Variants in DPP8 observed in about 807,000 individuals in gnomAD.
DPP8 encodes dipeptidyl peptidase 8.
DPP8 carries 31 observed loss-of-function variants against 107.5 expected under a neutral mutation model. The observed-to-expected ratio is 0.29, with a 90% CI of 0.22 to 0.39. The LOEUF (loss-of-function observed/expected upper bound fraction) is 0.39, where lower values mean the gene tolerates loss of function less well. Among genes scored for constraint, DPP8 ranks in the 10% least tolerant of loss-of-function variants. DPP8 has a pLI of 1.00. For synonymous variants in DPP8, 381 were observed against 356.6 expected, an observed-to-expected ratio of 1.07 and a Z score of -0.77; for missense variants, 842 against 1,076.1, an observed-to-expected ratio of 0.78 and a Z score of 3.04.
chr15:65,463,682 G>T, intron 15 of DPP8, 79 bp downstream of exon 15: 2 of 1,259,426 alleles, frequency 1.6e-6, no homozygotes, highest in South Asian at 1.3e-5. Flanking sequence ...ATCTTAAACT[G>T]ACTAGACATT....
At chr15:65,486,507 T>C (rs1692030062) in intron 7 of DPP8, among the ~76,000 whole-genome samples, 1 of 151,770 alleles carries the variant, frequency 6.6e-6, no homozygotes, top group African/African-American at 2.4e-5. Flanking sequence ...TGAGCCAAGA[T>C]CACACCACTG....
At chr15:65,464,783 T>C (rs997298290) in intron 14 of DPP8, among the ~76,000 whole-genome samples, 1 of 152,222 alleles carries the variant, frequency 6.6e-6, no homozygotes. Flanking sequence ...CAATAATCCT[T>C]GGAGCCTAGG....
chr15:65,476,717 G>A (rs780953391), intron 11 of DPP8, among the ~76,000 whole-genome samples: 11 of 152,114 alleles, frequency 7.2e-5, no homozygotes, highest in Non-Finnish European at 1.5e-4. Flanking sequence ...ATTGAAAGCA[G>A]GGACAGGAAC....
At chr15:65,450,935 A>G (rs2063928762) in intron 19 of DPP8, 64 bp downstream of exon 19, 1 of 1,034,784 alleles carries the variant, frequency 9.7e-7, no homozygotes, top group East Asian at 2.4e-5. Flanking sequence ...CACAGCTAAT[A>G]GATTTCAAAG....
At position 65,470,919 on chromosome 15, in the gene DPP8, C is replaced by CAA. The variant is rs773144225; in HGVS notation, c.1536+3288_1536+3289dup. On this transcript the variant is annotated intron_variant, in intron 12 of 19. Coordinates refer to ENST00000300141, the MANE Select transcript of DPP8 (RefSeq NM_130434.5). ...GGGTGACAGAGTGAGACTCTTATCT[C>CAA]AAAAAAAAAAAAAAAGAGGGAAAAT... Among the ~76,000 whole-genome samples the CAA allele has an allele frequency of 7.8e-3, 860 of 110,750 alleles. 4 individuals are homozygous for CAA. The highest frequency in any genetic ancestry group is 0.023 in the African/African-American group (671 of 29,248). The allele number at this position is 110,750 out of a possible 152,430, so 72.7% of individuals were successfully genotyped here. A position where few individuals can be genotyped will look rare whatever the true frequency, so the allele number is the denominator to read the frequency against.
chr15:65,490,680 T>C (rs1308876727), intron 5 of DPP8, among the ~76,000 whole-genome samples: 1 of 152,212 alleles, frequency 6.6e-6, no homozygotes, highest in East Asian at 1.9e-4. Flanking sequence ...AGGGGACATA[T>C]AACTCTCTTA....
chr15:65,455,148 T>TAAA (rs1316428744), intron 16 of DPP8, among the ~76,000 whole-genome samples: 1 of 152,248 alleles, frequency 6.6e-6, no homozygotes, highest in Non-Finnish European at 1.5e-5. Flanking sequence ...ATCTATTTTT[T>TAAA]TGGAGACATG....
intron 17 of DPP8, among the ~76,000 whole-genome samples, 171 bp downstream of exon 17, chr15:65,454,092 G>A (rs150285981): frequency 0.014 from 2,149 of 148,408 alleles, 64 homozygotes; most frequent in African/African-American, 0.051. Context: ...AGCTGAGATT[G>A]CGCCACTGCA....
chr15:65,510,217 G>C (rs1384079809), intron 2 of DPP8, among the ~76,000 whole-genome samples: 1 of 152,244 alleles, frequency 6.6e-6, no homozygotes. Flanking sequence ...TTGGGGGATT[G>C]AGGCGGGAGG....
chr15:65,486,838 T>A (rs1190479844), intron 7 of DPP8, among the ~76,000 whole-genome samples: 1 of 151,696 alleles, frequency 6.6e-6, no homozygotes, highest in Non-Finnish European at 1.5e-5. Context: ...AGAGGAAGGG[T>A]GGTGGGTGTG....
chr15:65,475,683 T>C (rs528124692), intron 11 of DPP8: 47 of 593,656 alleles, frequency 7.9e-5, no homozygotes, highest in Admixed American at 5.3e-4. Flanking sequence ...TTTAATACAA[T>C]TGTTCTTCAT....
At chr15:65,448,690 AATAT>A (rs1491078036) in intron 19 of DPP8, among the ~76,000 whole-genome samples, 1 of 112,112 alleles carries the variant, frequency 8.9e-6, no homozygotes, top group African/African-American at 3.6e-5. Flanking sequence ...AAAAAAAAAA[AATAT>A]ATATATATAT....
chr15:65,493,047 CTCTTTTCTT>C (rs769984187), intron 5 of DPP8, among the ~76,000 whole-genome samples: 12 of 151,928 alleles, frequency 7.9e-5, no homozygotes, highest in Admixed American at 2.0e-4. Flanking sequence ...TTTGGGAGAG[CTCTTTTCTT>C]TCTTTTCTTT....
At chr15:65,455,802 A>C in intron 16 of DPP8, 2 of 1,289,822 alleles carry the variant, frequency 1.6e-6, no homozygotes, top group Non-Finnish European at 2.0e-6. Context: ...AGCAGCAGAA[A>C]GGACATGGGG....
intron 3 of DPP8, among the ~76,000 whole-genome samples, chr15:65,506,113 C>T (rs1194937072): frequency 6.6e-6 from 1 of 152,018 alleles, no homozygotes; most frequent in African/African-American, 2.4e-5. Context: ...AGGCAGATCA[C>T]GAGGTCAGGA....
intron 19 of DPP8, among the ~76,000 whole-genome samples, chr15:65,448,865 AATATATATATATATATATATAT>A (rs58549410): frequency 0.028 from 1,507 of 53,254 alleles, 121 homozygotes; most frequent in Admixed American, 0.14. Flanking sequence ...ATATATCTAA[AATATATATATATATATATATAT>A]ATATATATAT....
chr15:65,456,389 CTT>C lies in DPP8; in HGVS notation c.1972-20_1972-19del. ...AACTGCACCTGAGGAAGAAACACAA[CTT>C]CAGTTTATCATATGGAAGCATATAA... is the stretch of plus-strand genomic sequence containing the variant. On this transcript the variant is annotated intron_variant, in intron 15 of 19. Coordinates refer to ENST00000300141, the MANE Select transcript of DPP8 (RefSeq NM_130434.5). The C allele has an allele frequency of 1.9e-6, 3 of 1,602,046 alleles. No individual in the cohort carries two copies. The highest frequency in any genetic ancestry group is 2.6e-6 in the Non-Finnish European group (3 of 1,176,172).
intron 13 of DPP8, 98 bp downstream of exon 13, chr15:65,466,973 T>G: frequency 6.7e-7 from 1 of 1,493,044 alleles, no homozygotes; most frequent in Non-Finnish European, 9.1e-7. Context: ...CTTAGAGAAT[T>G]AGGCTTTTGC....
chr15:65,475,614 C>T (rs903594618), intron 11 of DPP8: 5 of 971,904 alleles, frequency 5.1e-6, no homozygotes, highest in Non-Finnish European at 8.1e-6. Context: ...TCAGCTATTT[C>T]AACAAGGCAT....
Sources: gnomAD v4.1 joint callset for allele counts (sites outside exome capture counted in the v4.1 genomes callset) on GRCh38, gnomAD v4.1.1 for gene constraint, MANE v1.5 for transcripts, NCBI Gene and HGNC (gene_info 2026-07-23, HGNC 2026-07-21) for gene names.